The following ARHGAP28 variants were observed in gnomAD, a reference collection of about 807,000 sequenced individuals.
The protein encoded by ARHGAP28 is rho GTPase-activating protein 28.
In ARHGAP28, 56 loss-of-function variants were observed where a neutral mutation model predicts 90.7. The observed-to-expected ratio is 0.62, with a 90% CI of 0.50 to 0.77. ARHGAP28 has a LOEUF of 0.77. Among genes scored for constraint, ARHGAP28 ranks in the 30% least tolerant of loss-of-function variants. ARHGAP28 has a pLI of 0.00. For synonymous variants in ARHGAP28, 308 were observed against 323.3 expected (o/e 0.95, Z 0.51); for missense variants, 869 against 900.9 (o/e 0.96, Z 0.45).
rs2057411981 is a variant in ARHGAP28 at position 6,914,032 on chromosome 18, G to C, written c.*1878G>C. ...ACATTTCTGCGTATATATGAAAACT[G>C]AATGATATTTCTCAGTGTATTTCCT... is the stretch of plus-strand genomic sequence containing the variant. On this transcript the variant is annotated 3_prime_UTR_variant, in exon 18 of 18. Coordinates refer to ENST00000383472, the MANE Select transcript of ARHGAP28 (RefSeq NM_001366230.1). The C allele has an allele frequency of 6.6e-6, 1 of 152,138 alleles. No homozygotes were observed. Among genetic ancestry groups the C allele is most frequent in the Non-Finnish European group, 1.5e-5 (1 of 68,026 alleles). The allele number at this position is 152,138 out of a possible 1,614,324, so 9.4% of individuals were successfully genotyped here.
intron 1 of ARHGAP28, among the ~76,000 whole-genome samples, chr18:6,733,190 G>A (rs897851024): frequency 2.6e-5 from 4 of 152,176 alleles, no homozygotes; most frequent in South Asian, 2.1e-4. Flanking sequence ...TCTAGGTTGC[G>A]ATATATTGAC....
chr18:6,819,956 C>T (rs1020799682), intron 1 of ARHGAP28, among the ~76,000 whole-genome samples: 4 of 152,144 alleles, frequency 2.6e-5, no homozygotes, highest in African/African-American at 9.7e-5. Context: ...TGGGGGAAAC[C>T]TTTATTTACT....
intron 1 of ARHGAP28, among the ~76,000 whole-genome samples, chr18:6,823,619 T>C: frequency 6.7e-6 from 1 of 148,480 alleles, no homozygotes; most frequent in East Asian, 1.9e-4. Flanking sequence ...TTTTTTTTTT[T>C]TGGCTTTAAG....
chr18:6,794,283 C>G (rs1322537976), intron 1 of ARHGAP28, among the ~76,000 whole-genome samples: 1 of 152,190 alleles, frequency 6.6e-6, no homozygotes, highest in Admixed American at 6.5e-5. Flanking sequence ...TGTCATAATA[C>G]AACAAGTAAA....
At chr18:6,850,852 G>A (rs1443863224) in intron 3 of ARHGAP28, 182 bp from the exon 4 acceptor site, 1 of 1,536,414 alleles carries the variant, frequency 6.5e-7, no homozygotes, top group African/African-American at 1.4e-5. Context: ...CATTTATGAG[G>A]ATCAATGTAA....
intron 2 of ARHGAP28, among the ~76,000 whole-genome samples, chr18:6,825,865 AGCTAGGTTGATTCCATATCTTT>A (rs1400549805): frequency 2.0e-5 from 3 of 152,330 alleles, no homozygotes; most frequent in African/African-American, 7.2e-5. Flanking sequence ...AATCATGGGT[AGCTAGGTTGATTCCATATCTTT>A]GCAATTGTGA....
chr18:6,903,334 T>C (rs777902742), intron 16 of ARHGAP28, among the ~76,000 whole-genome samples: 1 of 152,182 alleles, frequency 6.6e-6, no homozygotes, highest in South Asian at 2.1e-4. Flanking sequence ...GATAGAAATA[T>C]AAAAATTTTT....
At chr18:6,899,366 C>T (rs545079676) in intron 16 of ARHGAP28, among the ~76,000 whole-genome samples, 397 of 152,256 alleles carry the variant, frequency 2.6e-3, no homozygotes, top group Non-Finnish European at 3.4e-3. Context: ...TCCTTATCAC[C>T]TCCCACGTAT....
chr18:6,799,116 C>A (rs978571242), intron 1 of ARHGAP28, among the ~76,000 whole-genome samples: 1 of 152,162 alleles, frequency 6.6e-6, no homozygotes, highest in African/African-American at 2.4e-5. Flanking sequence ...GACTTCAGTT[C>A]TTGGTTTATA....
At chr18:6,815,421 T>TA (rs111508199) in intron 1 of ARHGAP28, among the ~76,000 whole-genome samples, 9 of 152,032 alleles carry the variant, frequency 5.9e-5, no homozygotes, top group South Asian at 2.1e-4. Flanking sequence ...TTATCAAAAT[T>TA]AAAAAAAATA....
At chr18:6,805,239 G>A (rs1354864993) in intron 1 of ARHGAP28, among the ~76,000 whole-genome samples, 1 of 152,122 alleles carries the variant, frequency 6.6e-6, no homozygotes, top group Non-Finnish European at 1.5e-5. Context: ...TTGTTAATAT[G>A]TAAAGTTTGA....
At chr18:6,801,847 T>C (rs2056484429) in intron 1 of ARHGAP28, among the ~76,000 whole-genome samples, 1 of 152,186 alleles carries the variant, frequency 6.6e-6, no homozygotes, top group Non-Finnish European at 1.5e-5. Context: ...TACTGATCTA[T>C]CAAACACTAG....
intron 2 of ARHGAP28, among the ~76,000 whole-genome samples, chr18:6,831,471 G>GTTTTTTTTTTTTTTAT (rs2056714365): frequency 9.1e-6 from 1 of 109,306 alleles, no homozygotes; most frequent in African/African-American, 3.5e-5. Flanking sequence ...GTATCTTGAT[G>GTTTTTTTTTTTTTTAT]TTTTTTTTTT....
intron 5 of ARHGAP28, among the ~76,000 whole-genome samples, chr18:6,861,561 C>T (rs187301157): frequency 6.6e-6 from 1 of 152,256 alleles, no homozygotes; most frequent in East Asian, 1.9e-4. Flanking sequence ...TTAACACCCC[C>T]AGCATTTTGT....
intron 1 of ARHGAP28, among the ~76,000 whole-genome samples, chr18:6,745,590 C>T (rs1006805321): frequency 1.3e-5 from 2 of 152,180 alleles, no homozygotes; most frequent in Non-Finnish European, 2.9e-5. Flanking sequence ...AGATATATAA[C>T]ATCTCCCTCG....
chr18:6,839,639 G>A (rs1432247649), intron 3 of ARHGAP28, among the ~76,000 whole-genome samples: 1 of 152,136 alleles, frequency 6.6e-6, no homozygotes, highest in African/African-American at 2.4e-5. Context: ...TTCTAAGTCA[G>A]CCTCCCCCTT....
At chr18:6,854,899 C>A (rs2056940190) in intron 4 of ARHGAP28, among the ~76,000 whole-genome samples, 1 of 152,214 alleles carries the variant, frequency 6.6e-6, no homozygotes, top group African/African-American at 2.4e-5. Context: ...CAGTGTGGAG[C>A]AAAGTTGTGG....
rs541844529 is a variant in ARHGAP28, at chr18:6,794,857, A to AT, written c.123-29899dup. Among the ~76,000 whole-genome samples, 412 of 152,026 alleles carry AT rather than the reference A, an allele frequency of 2.7e-3. 4 individuals carry two copies. Among genetic ancestry groups the AT allele is most frequent in the African/African-American group, 9.3e-3 (386 of 41,480 alleles). On this transcript the variant is annotated intron_variant, in intron 1 of 17. Coordinates refer to ENST00000383472, the MANE Select transcript of ARHGAP28 (RefSeq NM_001366230.1). ...GCCACCACTCCTGGCTAATTTTTAA[A>AT]TTTTTTATAGAGACAGGGTTTCACT... is the stretch of plus-strand genomic sequence containing the variant.
chr18:6,784,389 T>C (rs2056350367), intron 1 of ARHGAP28, among the ~76,000 whole-genome samples: 1 of 152,196 alleles, frequency 6.6e-6, no homozygotes, highest in Non-Finnish European at 1.5e-5. Flanking sequence ...GGAGCCTGGT[T>C]GGGTTTACGC....
Sources: allele counts gnomAD v4.1 joint callset (sites outside exome capture counted in the v4.1 genomes callset), GRCh38; gene constraint gnomAD v4.1.1; transcripts MANE v1.5; gene names NCBI Gene and HGNC (gene_info 2026-07-23, HGNC 2026-07-21).